Variants in KCNIP4 observed in about 807,000 individuals in gnomAD.
KCNIP4 encodes the protein potassium voltage-gated channel interacting protein 4.
In KCNIP4, 12 loss-of-function variants were observed where a neutral mutation model predicts 34.0. The observed-to-expected ratio is 0.35, with a 90% CI of 0.23 to 0.57. The LOEUF (loss-of-function observed/expected upper bound fraction) is 0.57. Ranked by LOEUF, KCNIP4 falls within the 20% of genes least tolerant of loss-of-function variation. The pLI is 0.83. For missense variants in KCNIP4, 238 were observed against 311.7 expected, an observed-to-expected ratio of 0.76 and a Z score of 1.78; for synonymous variants, 124 against 102.2, an observed-to-expected ratio of 1.21 and a Z score of -1.29.
chr4:20,958,650 T>C (rs771425564), intron 1 of KCNIP4, among the ~76,000 whole-genome samples: 7 of 152,176 alleles, frequency 4.6e-5, no homozygotes, highest in African/African-American at 7.2e-5. Flanking sequence ...TGTCACTGAT[T>C]TTGTGGGAGT....
chr4:20,772,914 G>A (rs1210021401), intron 3 of KCNIP4, among the ~76,000 whole-genome samples: 1 of 151,838 alleles, frequency 6.6e-6, no homozygotes, highest in African/African-American at 2.4e-5. Flanking sequence ...CATTACAGGC[G>A]TCAGCCACCA....
Position 21,394,609 on chromosome 4 carries a change from A to G in KCNIP4, c.62-511900T>C, listed in dbSNP as rs79340465. Among the ~76,000 whole-genome samples, 1,026 of 152,250 alleles carry G rather than the reference A, an allele frequency of 6.7e-3. 7 individuals are homozygous for G. The highest frequency in any genetic ancestry group is 0.023 in the African/African-American group (974 of 41,556). ...TGCTACTTTTAAAAAGCTAACTGTC[A>G]TAGGCTCGAACAAGAGCAATATACA... On this transcript the variant is annotated intron_variant, in intron 1 of 8. Coordinates refer to ENST00000382152, the MANE Select transcript of KCNIP4 (RefSeq NM_025221.6).
chr4:21,655,649 G>A (rs893910683), intron 1 of KCNIP4, among the ~76,000 whole-genome samples: 7 of 152,112 alleles, frequency 4.6e-5, no homozygotes, highest in African/African-American at 1.7e-4. Flanking sequence ...TATCCTAAAA[G>A]GTGGGGTCCC....
intron 1 of KCNIP4, among the ~76,000 whole-genome samples, chr4:21,659,884 C>G (rs969031257): frequency 6.6e-6 from 1 of 152,150 alleles, no homozygotes; most frequent in Non-Finnish European, 1.5e-5. Context: ...GACTTAAATA[C>G]TTGAGGAGAG....
chr4:21,197,469 G>T (rs1381929977), intron 1 of KCNIP4, among the ~76,000 whole-genome samples: 1 of 152,080 alleles, frequency 6.6e-6, no homozygotes, highest in Admixed American at 6.5e-5. Context: ...ATTTGGGATA[G>T]AACTTTTCTC....
chr4:20,950,934 T>A (rs183750850), intron 1 of KCNIP4, among the ~76,000 whole-genome samples: 10 of 152,256 alleles, frequency 6.6e-5, no homozygotes, highest in Admixed American at 5.2e-4. Context: ...TAAAGTTACG[T>A]GGGCATTTGC....
chr4:21,856,595 C>T (rs981872509), intron 1 of KCNIP4, among the ~76,000 whole-genome samples: 2 of 152,154 alleles, frequency 1.3e-5, no homozygotes, highest in African/African-American at 4.8e-5. Flanking sequence ...CAGACCTGGG[C>T]ATGCCTGTGC....
chr4:21,816,098 C>T (rs4282162), intron 1 of KCNIP4, among the ~76,000 whole-genome samples: 58,046 of 151,870 alleles, frequency 0.38, 12,648 homozygotes, highest in Non-Finnish European at 0.51. Context: ...TTTTCTTATA[C>T]AAAATCAAAG....
At chr4:21,477,966 C>T (rs1379479009) in intron 1 of KCNIP4, among the ~76,000 whole-genome samples, 4 of 152,086 alleles carry the variant, frequency 2.6e-5, no homozygotes, top group African/African-American at 7.2e-5. Flanking sequence ...TAAAACAAAC[C>T]CATGAACAAA....
chr4:21,528,142 G>T (rs1736131638), intron 1 of KCNIP4, among the ~76,000 whole-genome samples: 1 of 152,126 alleles, frequency 6.6e-6, no homozygotes, highest in African/African-American at 2.4e-5. Context: ...AGCTATTACA[G>T]GTTGTTGCTC....
chr4:21,596,330 C>T (rs1013392596), intron 1 of KCNIP4, among the ~76,000 whole-genome samples: 3 of 152,126 alleles, frequency 2.0e-5, no homozygotes, highest in Admixed American at 2.0e-4. Context: ...TTTATTAATG[C>T]TTCTTGTAAC....
chr4:21,851,994 A>ATGTGTGTGTGTGTG (rs79897355), intron 1 of KCNIP4: 23 of 150,450 alleles, frequency 1.5e-4, no homozygotes, highest in African/African-American at 5.7e-4. Flanking sequence ...AATTCAATTA[A>ATGTGTGTGTGTGTG]TATGTGTGTG....
chr4:21,298,858 A>T (rs1407883155), intron 1 of KCNIP4, among the ~76,000 whole-genome samples: 1 of 152,172 alleles, frequency 6.6e-6, no homozygotes, highest in Admixed American at 6.5e-5. Flanking sequence ...GGCTTGTGGA[A>T]AACCATTAAT....
At chr4:21,153,629 C>A (rs1299580553) in intron 1 of KCNIP4, among the ~76,000 whole-genome samples, 1 of 151,484 alleles carries the variant, frequency 6.6e-6, no homozygotes, top group Non-Finnish European at 1.5e-5. Flanking sequence ...ATTGTCTGGA[C>A]AACAACATGC....
chr4:21,814,050 G>A (rs901994871), intron 1 of KCNIP4, among the ~76,000 whole-genome samples: 4 of 151,946 alleles, frequency 2.6e-5, no homozygotes, highest in East Asian at 1.9e-4. Context: ...CTGTCAAGCC[G>A]GTTTTTTTTA....
intron 1 of KCNIP4, among the ~76,000 whole-genome samples, chr4:21,279,004 G>C (rs1762609073): frequency 6.6e-6 from 1 of 152,158 alleles, no homozygotes; most frequent in Admixed American, 6.5e-5. Flanking sequence ...AGAGATAAAG[G>C]GGTGTTGTTA....
chr4:21,924,155 G>T (rs1729097121), intron 1 of KCNIP4, among the ~76,000 whole-genome samples: 1 of 150,424 alleles, frequency 6.6e-6, no homozygotes, highest in African/African-American at 2.4e-5. Context: ...GTTGAAGAAA[G>T]AAAAATAAAC....
chr4:21,686,415 C>A (rs1237551130), intron 1 of KCNIP4, among the ~76,000 whole-genome samples: 1 of 151,940 alleles, frequency 6.6e-6, no homozygotes, highest in Non-Finnish European at 1.5e-5. Flanking sequence ...ATGGGAAGAA[C>A]CTATAAATTT....
In KCNIP4 at chr4:21,614,474, C is replaced by CTA. The variant is rs896733961; in HGVS notation, c.61+334095_61+334096dup. Among the ~76,000 whole-genome samples the CTA allele has an allele frequency of 8.8e-4, 129 of 147,028 alleles. 1 individual carries two copies. Among genetic ancestry groups the CTA allele is most frequent in the Middle Eastern group, 3.7e-3 (1 of 270 alleles). ...GGAAAATAAACCCTTAAATATTGAG[C>CTA]TATATATATATAAGTATTTATATAT... On this transcript the variant is annotated intron_variant, in intron 1 of 8. Transcript: ENST00000382152.
Sources: gnomAD v4.1 joint callset for allele counts (sites outside exome capture counted in the v4.1 genomes callset) on GRCh38, gnomAD v4.1.1 for gene constraint, MANE v1.5 for transcripts, NCBI Gene and HGNC (gene_info 2026-07-23, HGNC 2026-07-21) for gene names.